STK4: variants seen among roughly 807,000 people sequenced by gnomAD.
STK4 encodes serine/threonine kinase 4.
Under a neutral mutation model 64.9 loss-of-function variants are expected in STK4, and 30 were observed. The ratio of observed to expected loss-of-function variants is 0.46; its 90% CI spans 0.35 to 0.63. STK4 has a LOEUF of 0.63. Ranked by LOEUF, STK4 falls within the 20% of genes least tolerant of loss-of-function variation. The pLI, the probability that STK4 is intolerant of heterozygous loss-of-function variation, is 0.01. For synonymous variants in STK4, 177 were observed against 199.0 expected (o/e 0.89, Z 0.93); for missense variants, 466 against 598.5 (o/e 0.78, Z 2.31).
At chr20:45,034,270 C>T (rs1216280720) in intron 10 of STK4, among the ~76,000 whole-genome samples, 1 of 151,638 alleles carries the variant, frequency 6.6e-6, no homozygotes, top group Admixed American at 6.6e-5. Flanking sequence ...TTGGTAAAAA[C>T]CAACAGCAAG....
At chr20:45,050,141 G>C (rs950828661) in intron 10 of STK4, among the ~76,000 whole-genome samples, 2 of 152,164 alleles carry the variant, frequency 1.3e-5, no homozygotes, top group African/African-American at 4.8e-5. Context: ...AGCAGTGCTC[G>C]TGCCATGGCT....
chr20:45,022,151 G>A (rs1392965767), intron 9 of STK4, among the ~76,000 whole-genome samples: 1 of 152,008 alleles, frequency 6.6e-6, no homozygotes, highest in African/African-American at 2.4e-5. Context: ...TAGCTTTTTG[G>A]CAATCTGATA....
chr20:45,024,631 A>C (rs1266555106), intron 9 of STK4, among the ~76,000 whole-genome samples: 1 of 152,212 alleles, frequency 6.6e-6, no homozygotes, highest in African/African-American at 2.4e-5. Context: ...CTCATTCTAA[A>C]TATTATAGGA....
chr20:45,065,179 C>CAA (rs1229059563), intron 10 of STK4, among the ~76,000 whole-genome samples: 2 of 151,200 alleles, frequency 1.3e-5, no homozygotes, highest in African/African-American at 4.9e-5. Context: ...TGAATTGCAT[C>CAA]AAAAGCCTTT....
At chr20:45,016,454 A>G (rs1298632865) in intron 9 of STK4, among the ~76,000 whole-genome samples, 1 of 152,228 alleles carries the variant, frequency 6.6e-6, no homozygotes, top group Non-Finnish European at 1.5e-5. Flanking sequence ...TTTTTCTCAC[A>G]GTTTCAAAAA....
chr20:45,019,921 T>C (rs1026673541), intron 9 of STK4, among the ~76,000 whole-genome samples: 1 of 152,200 alleles, frequency 6.6e-6, no homozygotes, highest in African/African-American at 2.4e-5. Flanking sequence ...TCTATCTAGC[T>C]AACGGGTGCT....
chr20:44,982,879 TATA>T (rs549776036), intron 4 of STK4, among the ~76,000 whole-genome samples: 4 of 148,486 alleles, frequency 2.7e-5, no homozygotes, highest in African/African-American at 1.1e-4. Context: ...ATAGAAAAGA[TATA>T]ATAATGATAT....
chr20:45,023,993 C>T (rs1025188309), intron 9 of STK4, among the ~76,000 whole-genome samples: 9 of 150,758 alleles, frequency 6.0e-5, no homozygotes, highest in African/African-American at 2.0e-4. Flanking sequence ...CTCTGCCTCC[C>T]GGGTTCACGC....
chr20:45,050,726 GT>G (rs2068764450), intron 10 of STK4, among the ~76,000 whole-genome samples: 2 of 152,028 alleles, frequency 1.3e-5, no homozygotes, highest in South Asian at 4.2e-4. Context: ...TTTGTATATG[GT>G]ATCTAACTTC....
intron 10 of STK4, chr20:45,053,123 G>A: frequency 1.2e-6 from 2 of 1,612,804 alleles, no homozygotes; most frequent in South Asian, 1.1e-5. Flanking sequence ...AAAGACATAT[G>A]TATCCAAAAT....
intron 10 of STK4, among the ~76,000 whole-genome samples, chr20:45,027,314 C>T (rs1052468906): frequency 6.6e-6 from 1 of 151,474 alleles, no homozygotes; most frequent in Non-Finnish European, 1.5e-5. Flanking sequence ...CCTGTAATCC[C>T]AGCTACTCGG....
chr20:44,995,026 C>A, intron 5 of STK4, 64 bp from the exon 6 acceptor site: 97 of 1,030,458 alleles, frequency 9.4e-5, no homozygotes, highest in Middle Eastern at 2.5e-4. Context: ...TCTCTGTAGA[C>A]TTCCTCTGTG....
At chr20:45,049,369 C>T (rs1019499410) in intron 10 of STK4, among the ~76,000 whole-genome samples, 1 of 152,126 alleles carries the variant, frequency 6.6e-6, no homozygotes, top group Non-Finnish European at 1.5e-5. Context: ...CTACCCCCTC[C>T]CAAGTGCTCT....
At chr20:45,072,667 T>G (rs1454087211) in intron 10 of STK4, among the ~76,000 whole-genome samples, 2 of 152,254 alleles carry the variant, frequency 1.3e-5, no homozygotes, top group Non-Finnish European at 2.9e-5. Flanking sequence ...TTTGTTAAAC[T>G]GTACATAAGT....
chr20:45,049,021 T>C (rs1380708802), intron 10 of STK4, among the ~76,000 whole-genome samples: 1 of 152,146 alleles, frequency 6.6e-6, no homozygotes, highest in East Asian at 1.9e-4. Flanking sequence ...AGTTTTTTCC[T>C]GATGGTACAT....
chr20:45,020,663 G>T (rs779242404), intron 9 of STK4, among the ~76,000 whole-genome samples: 9 of 152,124 alleles, frequency 5.9e-5, no homozygotes, highest in Non-Finnish European at 8.8e-5. Flanking sequence ...GTCTGAGCTG[G>T]TTAGCTCTGC....
At chr20:45,060,081 A>G (rs1232064116) in intron 10 of STK4, among the ~76,000 whole-genome samples, 3 of 152,162 alleles carry the variant, frequency 2.0e-5, no homozygotes, top group Non-Finnish European at 4.4e-5. Context: ...TATTAGATAT[A>G]GTCTTTAATC....
At chr20:45,044,776 A>G (rs2068667558) in intron 10 of STK4, among the ~76,000 whole-genome samples, 1 of 152,246 alleles carries the variant, frequency 6.6e-6, no homozygotes, top group South Asian at 2.1e-4. Context: ...TTACATAAGA[A>G]GAAGGGTGAA....
chr20:44,978,642 C>T (rs1323239120), intron 3 of STK4, 71 bp downstream of exon 3: 2 of 1,484,598 alleles, frequency 1.3e-6, no homozygotes, highest in African/African-American at 1.4e-5. Context: ...GAGTTTGATA[C>T]CTAGAGACAC....
Sources: gnomAD v4.1 joint callset for allele counts (sites outside exome capture counted in the v4.1 genomes callset) on GRCh38, gnomAD v4.1.1 for gene constraint, MANE v1.5 for transcripts, NCBI Gene and HGNC (gene_info 2026-07-23, HGNC 2026-07-21) for gene names.